The following DLG2 variants were observed in gnomAD, a reference collection of about 807,000 sequenced individuals.
DLG2 encodes the protein discs large MAGUK scaffold protein 2.
A neutral mutation model predicts 132.5 loss-of-function variants in DLG2; 45 were observed. That is an observed-to-expected ratio of 0.34 (90% CI 0.27 to 0.44). The LOEUF is 0.44. DLG2 is among the 20% of genes least tolerant of loss of function. The pLI, the probability that DLG2 is intolerant of heterozygous loss-of-function variation, is 1.00. For missense variants in DLG2, 1,045 were observed against 1,196.9 expected, an observed-to-expected ratio of 0.87 and a Z score of 1.87; for synonymous variants, 424 against 419.6, an observed-to-expected ratio of 1.01 and a Z score of -0.13.
At chr11:84,351,203 T>A (rs1340425142) in intron 7 of DLG2, among the ~76,000 whole-genome samples, 3 of 152,156 alleles carry the variant, frequency 2.0e-5, no homozygotes, top group Admixed American at 6.5e-5. Flanking sequence ...TTCATTTGAT[T>A]CCAAAATTAA....
intron 7 of DLG2, among the ~76,000 whole-genome samples, chr11:84,295,547 A>T (rs555314207): frequency 3.0e-4 from 46 of 152,240 alleles, no homozygotes; most frequent in African/African-American, 9.6e-4. Flanking sequence ...CTAGGAATCA[A>T]TCGGAGCTGA....
At chr11:85,274,331 A>T (rs789599) in intron 4 of DLG2, among the ~76,000 whole-genome samples, 132,998 of 152,138 alleles carry the variant, frequency 0.87, 58,534 homozygotes, top group Non-Finnish European at 0.93. Flanking sequence ...CAAGGCAATG[A>T]TAATTCCCAC....
chr11:85,555,342 T>C (rs745643381), intron 3 of DLG2, among the ~76,000 whole-genome samples: 3 of 151,940 alleles, frequency 2.0e-5, no homozygotes, highest in Non-Finnish European at 4.4e-5. Flanking sequence ...TCCTATCTTA[T>C]ACAAAATGTT....
At chr11:83,918,868 T>C (rs2675717) in intron 15 of DLG2, among the ~76,000 whole-genome samples, 93,981 of 151,936 alleles carry the variant, frequency 0.62, 29,540 homozygotes, top group East Asian at 0.91. Flanking sequence ...GTAAAATAAA[T>C]TGAAGGCTTC....
At chr11:84,072,254 T>G (rs1477114166) in intron 10 of DLG2, among the ~76,000 whole-genome samples, 2 of 152,214 alleles carry the variant, frequency 1.3e-5, no homozygotes, top group East Asian at 3.8e-4. Context: ...TCCCCAGCCC[T>G]GTCTCTTGCT....
intron 3 of DLG2, among the ~76,000 whole-genome samples, chr11:85,416,069 C>T (rs1261558374): frequency 6.6e-6 from 1 of 152,130 alleles, no homozygotes; most frequent in East Asian, 1.9e-4. Flanking sequence ...GGACGGGGTC[C>T]AGTTTCAGTT....
At chr11:83,695,582 T>C (rs1350673192) in intron 18 of DLG2, among the ~76,000 whole-genome samples, 1 of 152,018 alleles carries the variant, frequency 6.6e-6, no homozygotes, top group East Asian at 1.9e-4. Context: ...CTACTAAAAA[T>C]ACCAAAATTA....
chr11:84,213,511 A>T (rs375959828), intron 8 of DLG2, among the ~76,000 whole-genome samples: 39 of 152,018 alleles, frequency 2.6e-4, no homozygotes, highest in East Asian at 1.5e-3. Flanking sequence ...CAGACTTAAG[A>T]CCTACTAAAT....
intron 3 of DLG2, among the ~76,000 whole-genome samples, chr11:85,532,197 T>C (rs554481161): frequency 3.9e-5 from 6 of 152,326 alleles, no homozygotes; most frequent in African/African-American, 1.4e-4. Flanking sequence ...ACGTATGAAA[T>C]ACAAGCACAT....
chr11:84,905,095 AGGCTGGCCTTGAACTCCT>A (rs1172596729), intron 6 of DLG2, among the ~76,000 whole-genome samples: 1 of 152,132 alleles, frequency 6.6e-6, no homozygotes, highest in Non-Finnish European at 1.5e-5. Flanking sequence ...CATGTTGGTC[AGGCTGGCCTTGAACTCCT>A]GGCTTCAGTG....
rs991818722 is a variant in DLG2, at chr11:84,167,017, T to C, written c.574-3506A>G. ...CGGAGAGCTTCACAGTTGGGGTTTC[T>C]GTTATTCCAGTTCTGGCCCTAACTG... On this transcript the variant is annotated intron_variant, in intron 8 of 27. Transcript: ENST00000376104. 21 of 533,290 alleles carry C rather than the reference T, an allele frequency of 3.9e-5. No homozygotes were observed. In the Admixed American group the frequency reaches 4.1e-4, roughly 10 times the overall value. The allele number at this position is 533,290 out of a possible 1,614,324, so 33.0% of individuals were successfully genotyped here.
chr11:84,273,247 C>A, intron 7 of DLG2: 1 of 1,527,882 alleles, frequency 6.5e-7, no homozygotes, highest in Non-Finnish European at 8.8e-7. Context: ...AAACACTTGG[C>A]CGTTGCATAG....
rs574348952 is a variant in DLG2 at position 85,195,012 on chromosome 11, C to A, written c.187-40361G>T. ...TCTGCAATAGTAGACATAACAGAAG[C>A]TAAATCTAAAAAGAGAAGGCCAGAG... On this transcript the variant is annotated intron_variant, in intron 4 of 27. Transcript: ENST00000376104. Among the ~76,000 whole-genome samples, 225 of 152,172 alleles carry A rather than the reference C, an allele frequency of 1.5e-3. 3 individuals carry two copies. The highest frequency in any genetic ancestry group is 3.4e-3 in the Middle Eastern group (1 of 294).
chr11:84,570,807 G>A (rs1333977673), intron 6 of DLG2, among the ~76,000 whole-genome samples: 1 of 152,128 alleles, frequency 6.6e-6, no homozygotes, highest in Non-Finnish European at 1.5e-5. Flanking sequence ...CTACATAGAT[G>A]CTGGACTAAA....
chr11:85,467,183 T>A (rs2092819565), intron 3 of DLG2, among the ~76,000 whole-genome samples: 1 of 152,222 alleles, frequency 6.6e-6, no homozygotes, highest in Non-Finnish European at 1.5e-5. Context: ...TTGCTGAAGT[T>A]GCCTATCAGC....
chr11:85,026,827 ACT>A (rs2060566238), intron 6 of DLG2, among the ~76,000 whole-genome samples: 1 of 151,982 alleles, frequency 6.6e-6, no homozygotes, highest in African/African-American at 2.4e-5. Flanking sequence ...AGAGAGCAAG[ACT>A]CTGTCTCAAA....
At chr11:84,799,141 A>C (rs963130138) in intron 6 of DLG2, among the ~76,000 whole-genome samples, 11 of 152,156 alleles carry the variant, frequency 7.2e-5, no homozygotes, top group African/African-American at 2.7e-4. Flanking sequence ...TTGCCTAAGA[A>C]TTACAGTCCT....
chr11:84,111,297 C>A (rs899215422), intron 9 of DLG2, among the ~76,000 whole-genome samples: 3 of 152,174 alleles, frequency 2.0e-5, no homozygotes, highest in Non-Finnish European at 4.4e-5. Context: ...TCAAACTCCA[C>A]CTCAACTGCT....
At chr11:84,331,917 G>A (rs753090916) in intron 7 of DLG2, among the ~76,000 whole-genome samples, 2 of 152,090 alleles carry the variant, frequency 1.3e-5, no homozygotes, top group Non-Finnish European at 2.9e-5. Context: ...CATCCAAGTC[G>A]GAGCCCAGGA....
Sources: allele counts gnomAD v4.1 joint callset (sites outside exome capture counted in the v4.1 genomes callset), GRCh38; gene constraint gnomAD v4.1.1; transcripts MANE v1.5; gene names NCBI Gene and HGNC (gene_info 2026-07-23, HGNC 2026-07-21).